Variants in CLDN18 observed in about 807,000 individuals in gnomAD.
CLDN18 encodes claudin 18.
A neutral mutation model predicts 25.0 loss-of-function variants in CLDN18; 20 were observed. That is an observed-to-expected ratio of 0.80 (90% CI 0.56 to 1.16). The LOEUF is 1.16. Ranked by LOEUF, CLDN18 falls within the 50% of genes most tolerant of loss-of-function variation. The pLI is 0.00. For synonymous variants in CLDN18, 125 were observed against 135.6 expected (o/e 0.92, Z 0.54); for missense variants, 297 against 345.4 (o/e 0.86, Z 1.11).
chr3:138,021,439 T>G (rs1468918893), intron 1 of CLDN18, among the ~76,000 whole-genome samples: 1 of 152,202 alleles, frequency 6.6e-6, no homozygotes, highest in African/African-American at 2.4e-5. Context: ...GGCTTCTGAC[T>G]TGCTCCCTTG....
At chr3:138,024,461 T>C in intron 2 of CLDN18, 146 bp from the exon 3 acceptor site, 1 of 653,070 alleles carries the variant, frequency 1.5e-6, no homozygotes, top group Non-Finnish European at 2.8e-6. Flanking sequence ...ATTTAGCACA[T>C]AGCAAGAATT....
At chr3:138,027,937 C>T (rs201065418) in intron 3 of CLDN18, among the ~76,000 whole-genome samples, 57 of 152,274 alleles carry the variant, frequency 3.7e-4, no homozygotes, top group Non-Finnish European at 7.6e-4. Context: ...TTTCCCAGTC[C>T]AAGGAAATAA....
intron 1 of CLDN18, chr3:138,004,614 G>A: frequency 6.6e-6 from 1 of 152,190 alleles, no homozygotes; most frequent in South Asian, 2.1e-4. Flanking sequence ...ATATATGTGA[G>A]TTGAATACAA....
chr3:138,018,933 T>C (rs1386178932), intron 1 of CLDN18, among the ~76,000 whole-genome samples: 1 of 152,198 alleles, frequency 6.6e-6, no homozygotes, highest in Non-Finnish European at 1.5e-5. Flanking sequence ...TCAAATTTTC[T>C]TCCCCTCTTG....
chr3:138,027,880 G>C (rs183419979), intron 3 of CLDN18, among the ~76,000 whole-genome samples: 1 of 152,268 alleles, frequency 6.6e-6, no homozygotes, highest in African/African-American at 2.4e-5. Flanking sequence ...TGAGGGGGCA[G>C]GGCTCTTCAT....
chr3:138,010,961 G>A (rs1315048051), intron 1 of CLDN18, among the ~76,000 whole-genome samples: 1 of 151,914 alleles, frequency 6.6e-6, no homozygotes, highest in Non-Finnish European at 1.5e-5. Flanking sequence ...TCCTTTTGCT[G>A]CATTTGTATT....
chr3:138,023,180 G>A (rs991560607), intron 1 of CLDN18, among the ~76,000 whole-genome samples: 9 of 152,078 alleles, frequency 5.9e-5, no homozygotes, highest in South Asian at 2.1e-4. Flanking sequence ...AATGAATTCC[G>A]GGTTTCCTAA....
At chr3:138,023,528 T>C (rs564735700) in intron 1 of CLDN18, 130 bp from the exon 2 acceptor site, 6 of 773,236 alleles carry the variant, frequency 7.8e-6, no homozygotes, top group Non-Finnish European at 1.2e-5. Context: ...TCACAGTTTA[T>C]GGACTTTGCT....
At chr3:138,013,666 C>A (rs1202267818) in intron 1 of CLDN18, among the ~76,000 whole-genome samples, 1 of 152,242 alleles carries the variant, frequency 6.6e-6, no homozygotes, top group Admixed American at 6.5e-5. Context: ...CCACAGGGAG[C>A]ATTTGAGTAG....
At chr3:138,026,912 C>A (rs1942334121) in intron 3 of CLDN18, among the ~76,000 whole-genome samples, 1 of 152,150 alleles carries the variant, frequency 6.6e-6, no homozygotes, top group Admixed American at 6.5e-5. Flanking sequence ...AGCTTTCATA[C>A]CTCGGTGCCA....
intron 1 of CLDN18, among the ~76,000 whole-genome samples, chr3:138,001,096 C>G (rs1237770322): frequency 6.6e-6 from 1 of 152,230 alleles, no homozygotes; most frequent in Admixed American, 6.5e-5. Flanking sequence ...CTACAATTAT[C>G]ATTTTTGAGA....
chr3:138,013,882 T>A (rs1273966755), intron 1 of CLDN18, among the ~76,000 whole-genome samples: 4 of 152,104 alleles, frequency 2.6e-5, no homozygotes, highest in African/African-American at 9.7e-5. Context: ...GAGCTAGACA[T>A]TTTGGTGGGG....
At position 138,031,875 on chromosome 3, in the gene CLDN18, T is replaced by G. The variant is rs943718576; in HGVS notation, c.*734T>G. ...AGATGAATGAGAAAATTATTTTTTT[T>G]AATTTAAGTCCTAAATATAGTTAAA... On this transcript the variant is annotated 3_prime_UTR_variant, in exon 5 of 5. Coordinates refer to ENST00000183605, the MANE Select transcript of CLDN18 (RefSeq NM_016369.4). 2 of 152,226 alleles carry G rather than the reference T, an allele frequency of 1.3e-5. No individual in the cohort carries two copies. The highest frequency in any genetic ancestry group is 2.4e-5 in the African/African-American group (1 of 41,456). 9.4% of individuals were successfully genotyped at this position (152,226 alleles called of 1,614,324 possible). A position where few individuals can be genotyped will look rare whatever the true frequency, so the allele number is the denominator to read the frequency against.
chr3:138,016,611 G>C (rs1942207106), intron 1 of CLDN18, among the ~76,000 whole-genome samples: 1 of 152,166 alleles, frequency 6.6e-6, no homozygotes, highest in Admixed American at 6.5e-5. Context: ...TTTTTCTAAA[G>C]TGTTTGCAAA....
At chr3:138,006,149 A>G (rs1461273437), upstream of CLDN18, among the ~76,000 whole-genome samples, 1 of 152,222 alleles carries the variant, frequency 6.6e-6, no homozygotes, top group Non-Finnish European at 1.5e-5. Context: ...AATTCTCTCC[A>G]AATTTTCTAT....
intron 1 of CLDN18, among the ~76,000 whole-genome samples, chr3:138,020,000 T>G (rs1942253049): frequency 6.6e-6 from 1 of 152,204 alleles, no homozygotes; most frequent in African/African-American, 2.4e-5. Flanking sequence ...ATAAGCCTCT[T>G]GATCAGAATA....
intron 1 of CLDN18, among the ~76,000 whole-genome samples, chr3:138,014,423 CT>C (rs1179249260): frequency 2.0e-5 from 3 of 152,032 alleles, no homozygotes; most frequent in Non-Finnish European, 2.9e-5. Context: ...CCAGAGGACT[CT>C]GATGTGCCCG....
chr3:138,015,102 A>G (rs994905631), intron 1 of CLDN18, among the ~76,000 whole-genome samples: 1 of 152,184 alleles, frequency 6.6e-6, no homozygotes, highest in African/African-American at 2.4e-5. Flanking sequence ...ACTGCACTCC[A>G]TCCTGGGCAA....
In CLDN18 at chr3:138,031,214, T is replaced by C. The variant is rs55923693; in HGVS notation, c.*73T>C. ...ACCCAAAAAACAAGGAGATCCCATC[T>C]AGATTTCTTCTTGCTTTTGACTCAC... On this transcript the variant is annotated 3_prime_UTR_variant, in exon 5 of 5. Coordinates refer to ENST00000183605, the MANE Select transcript of CLDN18 (RefSeq NM_016369.4). The C allele has an allele frequency of 0.12, 164,966 of 1,349,868 alleles. 11,036 individuals carry two copies. The highest frequency in any genetic ancestry group is 0.14 in the African/African-American group (9,411 of 68,734). The allele number at this position is 1,349,868 out of a possible 1,614,324, so 83.6% of individuals were successfully genotyped here.
Sources: gnomAD v4.1 joint callset for allele counts (sites outside exome capture counted in the v4.1 genomes callset) on GRCh38, gnomAD v4.1.1 for gene constraint, MANE v1.5 for transcripts, NCBI Gene and HGNC (gene_info 2026-07-23, HGNC 2026-07-21) for gene names.